The following LY96 variants were observed in gnomAD, a reference collection of about 807,000 sequenced individuals.
LY96 encodes lymphocyte antigen 96.
In LY96, 18 loss-of-function variants were observed where a neutral mutation model predicts 18.9. The observed-to-expected ratio is 0.95, with a 90% CI of 0.66 to 1.41. LY96 has a LOEUF of 1.41. Ranked by LOEUF, LY96 falls within the 40% of genes most tolerant of loss-of-function variation. The probability of loss-of-function intolerance (pLI) is 0.00; values close to 1 mark genes in which losing one functional copy is unlikely to be tolerated. For missense variants in LY96, 175 were observed against 182.4 expected (o/e 0.96, Z 0.23); for synonymous variants, 66 against 62.6 (o/e 1.06, Z -0.26).
the LY96 span, among the ~76,000 whole-genome samples, chr8:74,084,572 C>T: frequency 6.6e-6 from 1 of 152,166 alleles, no homozygotes; most frequent in Non-Finnish European, 1.5e-5. Flanking sequence ...CCTCTGGCCG[C>T]ATCTGTAATC....
chr8:74,059,293 G>A, the LY96 span, among the ~76,000 whole-genome samples: 17 of 152,186 alleles, frequency 1.1e-4, no homozygotes, highest in Non-Finnish European at 1.9e-4. Flanking sequence ...ATAGAAAGAT[G>A]TGAATTCTCC....
chr8:74,098,343 T>A, the LY96 span, among the ~76,000 whole-genome samples: 362 of 152,138 alleles, frequency 2.4e-3, 1 homozygote, highest in African/African-American at 8.3e-3. Flanking sequence ...TTGTCCGAAT[T>A]AAAAAAAATC....
downstream of LY96, among the ~76,000 whole-genome samples, chr8:74,031,373 A>C (rs1300270882): frequency 6.6e-6 from 1 of 152,206 alleles, no homozygotes; most frequent in Non-Finnish European, 1.5e-5. Context: ...CACGCCTGTA[A>C]TCCCAGCACT....
At chr8:74,044,352 A>C in the LY96 span, among the ~76,000 whole-genome samples, 2 of 151,972 alleles carry the variant, frequency 1.3e-5, no homozygotes, top group Non-Finnish European at 2.9e-5. Flanking sequence ...TGCACAGCTA[A>C]TTAAAAAAAA....
At chr8:74,042,598 G>A in the LY96 span, among the ~76,000 whole-genome samples, 155 of 152,258 alleles carry the variant, frequency 1.0e-3, no homozygotes, top group African/African-American at 3.6e-3. Context: ...CACGAGCATA[G>A]CACTGAGGTA....
chr8:74,077,414 G>A, the LY96 span, among the ~76,000 whole-genome samples: 10 of 152,300 alleles, frequency 6.6e-5, no homozygotes, highest in South Asian at 2.1e-4. Flanking sequence ...CACTACAGGT[G>A]TGATGATGGA....
At chr8:74,076,522 A>G in the LY96 span, among the ~76,000 whole-genome samples, 1 of 151,736 alleles carries the variant, frequency 6.6e-6, no homozygotes, top group Non-Finnish European at 1.5e-5. Flanking sequence ...ACGGGGTTTC[A>G]CCACGTTGGC....
the LY96 span, among the ~76,000 whole-genome samples, chr8:74,042,190 A>G: frequency 6.6e-6 from 1 of 152,212 alleles, no homozygotes; most frequent in African/African-American, 2.4e-5. Flanking sequence ...AAAGGCATGC[A>G]TGCATTACTG....
At chr8:74,095,891 C>T in the LY96 span, among the ~76,000 whole-genome samples, 1 of 152,192 alleles carries the variant, frequency 6.6e-6, no homozygotes, top group East Asian at 1.9e-4. Context: ...CTCACAGAGC[C>T]AACCATCTAT....
the LY96 span, among the ~76,000 whole-genome samples, chr8:74,052,118 T>C: frequency 6.7e-6 from 1 of 148,752 alleles, no homozygotes; most frequent in Non-Finnish European, 1.5e-5. Context: ...AGAGAAGAGG[T>C]TATTTTGGAG....
chr8:74,073,366 C>A, the LY96 span, among the ~76,000 whole-genome samples: 2 of 152,268 alleles, frequency 1.3e-5, no homozygotes, highest in South Asian at 4.1e-4. Flanking sequence ...CATCCAACAG[C>A]GTGAAAGGTG....
At chr8:74,002,006 T>TCTTTCTTC (rs1816287667) in intron 1 of LY96, among the ~76,000 whole-genome samples, 2 of 24,086 alleles carry the variant, frequency 8.3e-5, no homozygotes, top group Non-Finnish European at 1.6e-4. Flanking sequence ...TTTCTTCCTT[T>TCTTTCTTC]CTTCCTTCCT....
At chr8:74,076,249 A>G in the LY96 span, among the ~76,000 whole-genome samples, 1 of 151,594 alleles carries the variant, frequency 6.6e-6, no homozygotes, top group African/African-American at 2.4e-5. Flanking sequence ...TACCCCAGGA[A>G]CCATTATAGA....
the LY96 span, among the ~76,000 whole-genome samples, chr8:74,091,000 C>T: frequency 3.3e-5 from 5 of 152,080 alleles, no homozygotes; most frequent in East Asian, 1.9e-4. Flanking sequence ...ATATGTGTAT[C>T]GTCAATATAT....
chr8:74,042,479 G>A, the LY96 span, among the ~76,000 whole-genome samples: 8 of 151,764 alleles, frequency 5.3e-5, no homozygotes, highest in Admixed American at 3.3e-4. Context: ...AACCGAGATC[G>A]TTCACTCCAG....
chr8:74,052,931 A>G, the LY96 span, among the ~76,000 whole-genome samples: 9 of 152,216 alleles, frequency 5.9e-5, no homozygotes, highest in Non-Finnish European at 1.3e-4. Flanking sequence ...GATTTTTGAA[A>G]AGAAGGGGTA....
the LY96 span, among the ~76,000 whole-genome samples, chr8:74,042,355 T>C: frequency 6.6e-6 from 1 of 151,974 alleles, no homozygotes; most frequent in Non-Finnish European, 1.5e-5. Context: ...ACCCCATCTC[T>C]CTAAAAATAC....
the LY96 span, among the ~76,000 whole-genome samples, chr8:74,066,849 T>G: frequency 2.9e-3 from 443 of 152,270 alleles, 2 homozygotes; most frequent in African/African-American, 1.0e-2. Flanking sequence ...AAAGATTTAT[T>G]TGGGAGTGCG....
the LY96 span, among the ~76,000 whole-genome samples, chr8:74,082,632 A>T: frequency 1.2e-4 from 19 of 152,340 alleles, no homozygotes; most frequent in Middle Eastern, 3.4e-3. Flanking sequence ...AATAAGATTA[A>T]CAAGCAAAAG....
Sources: allele counts gnomAD v4.1 joint callset (sites outside exome capture counted in the v4.1 genomes callset), GRCh38; gene constraint gnomAD v4.1.1; transcripts MANE v1.5; gene names NCBI Gene and HGNC (gene_info 2026-07-23, HGNC 2026-07-21).